The following STAU1 variants were observed in gnomAD, a reference collection of about 807,000 sequenced individuals.
STAU1 encodes the protein staufen double-stranded RNA binding protein 1.
In STAU1, 13 loss-of-function variants were observed where a neutral mutation model predicts 62.9. The ratio of observed to expected loss-of-function variants is 0.21; its 90% CI spans 0.13 to 0.33. The LOEUF (loss-of-function observed/expected upper bound fraction) is 0.33, where lower values mean the gene tolerates loss of function less well. Among genes scored for constraint, STAU1 ranks in the 10% least tolerant of loss-of-function variants. STAU1 has a pLI of 1.00. For missense variants in STAU1, 571 were observed against 712.1 expected (o/e 0.80, Z 2.25); for synonymous variants, 269 against 265.1 (o/e 1.01, Z -0.14).
intron 1 of STAU1, among the ~76,000 whole-genome samples, chr20:49,186,458 G>A (rs970187582): frequency 6.6e-6 from 1 of 152,068 alleles, no homozygotes; most frequent in African/African-American, 2.4e-5. Context: ...TGTGTGTTAA[G>A]AGATGGGTAT....
intron 5 of STAU1, among the ~76,000 whole-genome samples, chr20:49,146,857 G>A (rs926418163): frequency 1.7e-4 from 26 of 151,622 alleles, no homozygotes; most frequent in African/African-American, 6.0e-4. Flanking sequence ...GGGGATAAAC[G>A]TAGCCAAGTT....
At chr20:49,203,931 G>A in the STAU1 span, among the ~76,000 whole-genome samples, 1 of 152,110 alleles carries the variant, frequency 6.6e-6, no homozygotes, top group Non-Finnish European at 1.5e-5. Flanking sequence ...GTGATCCGCC[G>A]CCTTGGCCTC....
upstream of STAU1, among the ~76,000 whole-genome samples, chr20:49,189,463 C>T (rs540615364): frequency 6.7e-6 from 1 of 150,148 alleles, no homozygotes; most frequent in African/African-American, 2.4e-5. Flanking sequence ...GGTGAAACCC[C>T]GTCTCTACTA....
chr20:49,198,790 T>C, the STAU1 span, among the ~76,000 whole-genome samples: 17 of 151,368 alleles, frequency 1.1e-4, no homozygotes, highest in African/African-American at 3.9e-4. Context: ...TGTGAAACCT[T>C]GTCTCTACTA....
the STAU1 span, among the ~76,000 whole-genome samples, chr20:49,212,987 A>G: frequency 1.3e-5 from 2 of 149,744 alleles, no homozygotes; most frequent in African/African-American, 2.5e-5. Flanking sequence ...CCATTTCTCA[A>G]ACTTTTTTAT....
intron 5 of STAU1, 149 bp downstream of exon 5, chr20:49,151,433 G>C (rs1394511174): frequency 1.3e-6 from 1 of 765,704 alleles, no homozygotes; most frequent in Non-Finnish European, 1.9e-6. Flanking sequence ...AAGCAAGAAA[G>C]CTACAGAGCA....
rs1353034114 is a variant in STAU1 at position 49,165,927 on chromosome 20, C to T, written c.205+70G>A. 1.3e-5 allele frequency: 19 copies of T among 1,519,044 alleles called. No individual in the cohort carries two copies. The Admixed American group carries it at 2.6e-4, about 20-fold the overall frequency. 94.1% of individuals were successfully genotyped at this position (1,519,044 alleles called of 1,614,324 possible). Reference sequence around the variant, plus strand: ...TAAATGTGAGAGCTCCCTAAATCTGCAACCTATCAGATCAGAAAACAGGGT... The same window carrying T: ...TAAATGTGAGAGCTCCCTAAATCTGTAACCTATCAGATCAGAAAACAGGGT... On this transcript the variant is annotated intron_variant, in intron 3 of 13. Coordinates refer to ENST00000371856, the MANE Select transcript of STAU1 (RefSeq NM_017453.4).
the STAU1 span, among the ~76,000 whole-genome samples, chr20:49,214,346 C>T: frequency 1.4e-4 from 22 of 152,072 alleles, no homozygotes; most frequent in African/African-American, 5.1e-4. Flanking sequence ...GGTGAAAACC[C>T]GTCACTACTA....
intron 6 of STAU1, among the ~76,000 whole-genome samples, chr20:49,130,302 G>A (rs1299399181): frequency 6.6e-6 from 1 of 152,188 alleles, no homozygotes; most frequent in East Asian, 1.9e-4. Flanking sequence ...AGAGCCTGAG[G>A]ACAGAGGGGA....
At chr20:49,195,702 G>T in the STAU1 span, among the ~76,000 whole-genome samples, 1 of 150,650 alleles carries the variant, frequency 6.6e-6, no homozygotes, top group Non-Finnish European at 1.5e-5. Flanking sequence ...CTGGGAATTT[G>T]ATACCAGCCT....
intron 9 of STAU1, 77 bp from the exon 10 acceptor site, chr20:49,118,485 T>C (rs2092385265): frequency 1.7e-6 from 2 of 1,160,492 alleles, no homozygotes. Context: ...GCTGTCTAAA[T>C]CTACACAAAG....
intron 5 of STAU1, 60 bp from the exon 6 acceptor site, chr20:49,135,991 T>G: frequency 7.5e-7 from 1 of 1,336,148 alleles, no homozygotes; most frequent in Non-Finnish European, 1.1e-6. Context: ...CCAGGTGAGT[T>G]GGTTCATGCT....
chr20:49,160,511 G>GA, intron 3 of STAU1, among the ~76,000 whole-genome samples: 1 of 152,228 alleles, frequency 6.6e-6, no homozygotes, highest in East Asian at 1.9e-4. Flanking sequence ...AGATGGTTGG[G>GA]AAAAAAGTTA....
Position 49,117,661 on chromosome 20 carries a change from C to T in STAU1, c.1509+116G>A. ...CTTCCATCACTGCTCCCCAGCCCAT[C>T]CCTGGACAGAACTTGATTTAAGAAA... On this transcript the variant is annotated intron_variant, in intron 11 of 13. Transcript: ENST00000371856. This position sits in a 1 kb window ranked among gnomAD's most constrained non-coding sequence, Gnocchi z 4.6. 9.2e-7 allele frequency: 1 copy of T among 1,085,268 alleles called. No homozygotes were observed. The highest frequency in any genetic ancestry group is 1.6e-5 in the South Asian group (1 of 61,774). 67.2% of individuals were successfully genotyped at this position (1,085,268 alleles called of 1,614,324 possible).
At chr20:49,153,750 A>AG (rs2093306628) in intron 4 of STAU1, among the ~76,000 whole-genome samples, 183 bp downstream of exon 4, 1 of 148,212 alleles carries the variant, frequency 6.7e-6, no homozygotes, top group East Asian at 2.0e-4. Flanking sequence ...AAAGAAAGAA[A>AG]GAAAAAAAAG....
chr20:49,159,051 C>T lies in STAU1; in HGVS notation c.206-4980G>A, dbSNP rs1232957015. ...CAACAGCATGAACTCAAAACCCTGG[C>T]AGGCAGGAAGGTCAAATGGCAGAAG... On this transcript the variant is annotated intron_variant, in intron 3 of 13. Coordinates refer to ENST00000371856, the MANE Select transcript of STAU1 (RefSeq NM_017453.4). 7.1e-6 allele frequency: 9 copies of T among 1,265,464 alleles called. No individual in the cohort carries two copies. In the African/African-American group the frequency reaches 1.3e-4, roughly 18 times the overall value. 78.4% of individuals were successfully genotyped at this position (1,265,464 alleles called of 1,614,324 possible). A position where few individuals can be genotyped will look rare whatever the true frequency, so the allele number is the denominator to read the frequency against.
chr20:49,211,519 T>C, the STAU1 span, among the ~76,000 whole-genome samples: 1 of 152,006 alleles, frequency 6.6e-6, no homozygotes. Flanking sequence ...TTTTCTTTTC[T>C]TTTTTGGAAA....
intron 3 of STAU1, among the ~76,000 whole-genome samples, chr20:49,159,884 T>C (rs762011794): frequency 2.6e-5 from 4 of 152,236 alleles, no homozygotes; most frequent in African/African-American, 9.6e-5. Context: ...AATGTGTCTA[T>C]AAAGACACAT....
In STAU1 at chr20:49,114,852, T is replaced by C. The variant is rs200880480; in HGVS notation, c.*26A>G. On this transcript the variant is annotated 3_prime_UTR_variant, in exon 14 of 14. Coordinates refer to ENST00000371856, the MANE Select transcript of STAU1 (RefSeq NM_017453.4). ...ATTTTCAGTATATATGTTGGGATTTTATAATGGTTCATGGCCAGAAAAGGT... is the reference window on the plus strand; with the variant it reads ...ATTTTCAGTATATATGTTGGGATTTCATAATGGTTCATGGCCAGAAAAGGT... 1.8e-4 allele frequency: 285 copies of C among 1,612,436 alleles called. No individual in the cohort carries two copies. The African/African-American group carries it at 1.9e-3, about 11-fold the overall frequency.
Sources: gnomAD v4.1 joint callset for allele counts (sites outside exome capture counted in the v4.1 genomes callset) on GRCh38, gnomAD v4.1.1 for gene constraint, Gnocchi (gnomAD v3.1) non-coding constraint, MANE v1.5 for transcripts, NCBI Gene and HGNC (gene_info 2026-07-23, HGNC 2026-07-21) for gene names.